The following SOX30 variants were observed in gnomAD, a reference collection of about 807,000 sequenced individuals.
SOX30 encodes transcription factor SOX-30.
A neutral mutation model predicts 58.6 loss-of-function variants in SOX30; 17 were observed. The ratio of observed to expected loss-of-function variants is 0.29; its 90% CI spans 0.20 to 0.44. The LOEUF is 0.44. SOX30 is among the 20% of genes least tolerant of loss of function. SOX30 has a pLI of 1.00. For synonymous variants in SOX30, 421 were observed against 400.2 expected (o/e 1.05, Z -0.62); for missense variants, 951 against 965.8 (o/e 0.98, Z 0.20).
chr5:157,663,583 G>C (rs1759614096), intron 2 of SOX30, among the ~76,000 whole-genome samples: 2 of 152,170 alleles, frequency 1.3e-5, no homozygotes, highest in South Asian at 4.1e-4. Flanking sequence ...ATTCAACATA[G>C]TGTTGGAAGT....
chr5:157,652,247 C>T lies in SOX30; in HGVS notation c.-169G>A. Reference sequence around the variant, plus strand: ...TCACCCAATCACAACGACCGATACCCGTGGACGGCCAATCACAGGCGGGTT... The same window carrying T: ...TCACCCAATCACAACGACCGATACCTGTGGACGGCCAATCACAGGCGGGTT... On this transcript the variant is annotated 5_prime_UTR_variant, in exon 1 of 5. Transcript: ENST00000265007. The T allele has an allele frequency of 1.6e-6, 2 of 1,261,282 alleles. No individual in the cohort carries two copies. Among genetic ancestry groups the T allele is most frequent in the South Asian group, 3.4e-5 (1 of 29,158 alleles). 78.1% of individuals were successfully genotyped at this position (1,261,282 alleles called of 1,614,324 possible).
At chr5:157,647,061 ATTT>A (rs33962778) in intron 2 of SOX30, among the ~76,000 whole-genome samples, 11 of 134,518 alleles carry the variant, frequency 8.2e-5, no homozygotes, top group African/African-American at 8.9e-5. Flanking sequence ...AGAGGGTCAA[ATTT>A]TTTTTTTTTT....
At chr5:157,652,818 G>A (rs564469380), upstream of SOX30, among the ~76,000 whole-genome samples, 78 of 152,158 alleles carry the variant, frequency 5.1e-4, no homozygotes, top group African/African-American at 1.8e-3. Flanking sequence ...GGATACTGCC[G>A]TAACCCTGTA....
In SOX30 at chr5:157,648,820, T is replaced by C. The variant is rs12518542; in HGVS notation, c.1044A>G (p.Ala348=). 6.5e-4 allele frequency: 1,042 copies of C among 1,612,792 alleles called. 5 individuals are homozygous for C. The African/African-American group carries it at 0.011, about 16-fold the overall frequency. Residue 348 remains alanine, a synonymous_variant, in exon 2 of 5, where the codon GCA becomes GCG. Transcript: ENST00000265007. The stretch of plus-strand genomic sequence containing the variant: ...TGGCTAGTGCTGGTCGGTGGATCCT[T>C]GCCCAAACCATAAATGCGTTCATGG... The part of the protein sequence containing the change: ...KRPMNAFMVW[A]RIHRPALAKA...
At position 157,652,063 on chromosome 5, in the gene SOX30, G is replaced by T; in HGVS notation, c.16C>A (p.Pro6Thr). Residue 6 changes from proline to threonine, a missense_variant, in exon 1 of 5, where the codon CCC (proline) becomes ACC (threonine). Around this residue, in one of 7 missense-constraint regions of SOX30, gnomAD observed 363 missense variants for 294.5 expected, o/e 1.23. Coordinates refer to ENST00000265007, the MANE Select transcript of SOX30 (RefSeq NM_178424.2). ...GGGCGCGGCTGAGGCGGCGGCTCGG[G>T]TCTGGCTCTCTCCATGGGGGAGGGG... MERAR[P>T]EPPPQPRPLR... 1.8e-5 allele frequency: 26 copies of T among 1,419,660 alleles called. No individual in the cohort carries two copies. The highest frequency in any genetic ancestry group is 2.3e-5 in the Non-Finnish European group (25 of 1,095,128). The allele number at this position is 1,419,660 out of a possible 1,614,324, so 87.9% of individuals were successfully genotyped here. A position where few individuals can be genotyped will look rare whatever the true frequency, so the allele number is the denominator to read the frequency against.
chr5:157,650,432 T>C (rs539738912), intron 1 of SOX30, among the ~76,000 whole-genome samples: 1 of 152,262 alleles, frequency 6.6e-6, no homozygotes, highest in South Asian at 2.1e-4. Context: ...AATCTTAAAA[T>C]AAGAATTTGC....
Position 157,651,328 on chromosome 5 carries a change from A to G in SOX30, c.751T>C (p.Phe251Leu). The G allele has an allele frequency of 6.2e-7, 1 of 1,614,022 alleles. No homozygotes were observed. The highest frequency in any genetic ancestry group is 1.1e-5 in the South Asian group (1 of 91,082). ...CTAAGGTCTTGCTGGTGCGGCCCAA[A>G]GGCACCGGACGTTGGGGCCAAGATG... ...EVILAPTSGA[F>L]GPHQQDLRIP... Residue 251 changes from phenylalanine (F) to leucine (L), a missense_variant, in exon 1 of 5, where the codon TTT becomes CTT. Around this residue, in one of 7 missense-constraint regions of SOX30, gnomAD observed 84 missense variants for 68.2 expected, o/e 1.23. Coordinates refer to ENST00000265007, the MANE Select transcript of SOX30 (RefSeq NM_178424.2).
intron 3 of SOX30, among the ~76,000 whole-genome samples, chr5:157,640,337 T>C (rs1326348723): frequency 6.6e-6 from 1 of 152,098 alleles, no homozygotes; most frequent in Admixed American, 6.5e-5. Flanking sequence ...AGCCTTTAAA[T>C]GAATAGGAAT....
At chr5:157,636,076 A>C (rs183872441) in intron 4 of SOX30, among the ~76,000 whole-genome samples, 1 of 152,336 alleles carries the variant, frequency 6.6e-6, no homozygotes, top group East Asian at 1.9e-4. Context: ...ATTGTTATAA[A>C]AACTACGTGT....
chr5:157,626,238 A>G lies in SOX30; in HGVS notation c.*102T>C, dbSNP rs1293565251. The G allele has an allele frequency of 8.8e-7, 1 of 1,139,174 alleles. No individual in the cohort carries two copies. The highest frequency in any genetic ancestry group is 1.2e-6 in the Non-Finnish European group (1 of 834,142). The allele number at this position is 1,139,174 out of a possible 1,614,324, so 70.6% of individuals were successfully genotyped here. A position where few individuals can be genotyped will look rare whatever the true frequency, so the allele number is the denominator to read the frequency against. On this transcript the variant is annotated 3_prime_UTR_variant, in exon 5 of 5. Coordinates refer to ENST00000265007, the MANE Select transcript of SOX30 (RefSeq NM_178424.2). ...GTTTTAACTCCTCAAATCACGACTG[A>G]AAACTTTCAACAAAGAATTCTAGGC... is the stretch of plus-strand genomic sequence containing the variant.
chr5:157,651,362 G>C lies in SOX30; in HGVS notation c.717C>G (p.Ser239Arg), dbSNP rs764191705. The change falls in exon 1 of 5, where the codon AGC (serine) becomes AGG (arginine). Residue 239 changes from serine (S) to arginine (R), a missense_variant. By Grantham distance (110) the Ser-to-Arg change is moderately radical. Transcript: ENST00000265007. ...EPASNGLVHG[S>R]AEVILAPTSG... ...ACGTTGGGGCCAAGATGACCTCCGC[G>C]CTGCCATGAACCAGGCCATTGGACG... The C allele has an allele frequency of 1.2e-6, 2 of 1,613,692 alleles. No individual in the cohort carries two copies. The highest frequency in any genetic ancestry group is 1.1e-5 in the South Asian group (1 of 91,078).
chr5:157,652,111 G>A lies in SOX30; in HGVS notation c.-33C>T. ...GGGGACGCCCCGGCCAGGATTGTGAGCTCAGCCGTTTGTTGGCGACCTTCC... is the reference window on the plus strand; with the variant it reads ...GGGGACGCCCCGGCCAGGATTGTGAACTCAGCCGTTTGTTGGCGACCTTCC... On this transcript the variant is annotated 5_prime_UTR_variant, in exon 1 of 5. Transcript: ENST00000265007. The A allele has an allele frequency of 7.2e-7, 1 of 1,387,842 alleles. No individual in the cohort carries two copies. The highest frequency in any genetic ancestry group is 2.9e-5 in the East Asian group (1 of 34,978). The allele number at this position is 1,387,842 out of a possible 1,614,324, so 86.0% of individuals were successfully genotyped here.
Position 157,669,177 on chromosome 5 carries a change from G to C in SOX30, c.-3-1325C>G, listed in dbSNP as rs543161271. Among the ~76,000 whole-genome samples the C allele has an allele frequency of 3.2e-4, 48 of 152,260 alleles. No individual in the cohort carries two copies. The South Asian group carries it at 9.7e-3, about 31-fold the overall frequency. ...TGCAAGGCACAATGCCTGGGTGCTG[G>C]GATTGGGGAGGGAAGCAAAGTCATT... On this transcript the variant is annotated intron_variant, in intron 1 of 5. Coordinates refer to the SOX30 transcript ENST00000519442.
At chr5:157,642,788 C>T (rs11134860) in intron 3 of SOX30, among the ~76,000 whole-genome samples, 24,891 of 152,018 alleles carry the variant, frequency 0.16, 2,325 homozygotes, top group Middle Eastern at 0.26. Context: ...AGGAGCCACA[C>T]CTGAGAGACC....
At chr5:157,646,241 C>A (rs1051987170) in intron 3 of SOX30, among the ~76,000 whole-genome samples, 2 of 152,142 alleles carry the variant, frequency 1.3e-5, no homozygotes, top group Admixed American at 6.6e-5. Context: ...AGAATGGTCT[C>A]AACAAATCAG....
At position 157,626,942 on chromosome 5, in the gene SOX30, C is replaced by T. The variant is rs1443743344; in HGVS notation, c.1881-221G>A. ...AATACTCACCAGCACTATTATCTAT[C>T]GTTAGCCTCAGGCTTCTTACCTTTG... is the stretch of plus-strand genomic sequence containing the variant. On this transcript the variant is annotated intron_variant, in intron 4 of 4. Coordinates refer to ENST00000265007, the MANE Select transcript of SOX30 (RefSeq NM_178424.2). Among the ~76,000 whole-genome samples the T allele has an allele frequency of 2.6e-5, 4 of 152,220 alleles. No individual in the cohort carries two copies. In the East Asian group the frequency reaches 5.8e-4, roughly 22 times the overall value.
intron 1 of SOX30, among the ~76,000 whole-genome samples, chr5:157,669,150 G>A (rs1019298594): frequency 2.0e-5 from 3 of 152,162 alleles, no homozygotes; most frequent in Admixed American, 1.3e-4. Flanking sequence ...GCTAGGATCT[G>A]CTGCAAGGCA....
At position 157,652,137 on chromosome 5, in the gene SOX30, C is replaced by T. The variant is rs1581403011; in HGVS notation, c.-59G>A. 7.2e-7 allele frequency: 1 copy of T among 1,381,126 alleles called. No individual in the cohort carries two copies. Among genetic ancestry groups the T allele is most frequent in the Non-Finnish European group, 9.3e-7 (1 of 1,075,984 alleles). The allele number at this position is 1,381,126 out of a possible 1,614,324, so 85.6% of individuals were successfully genotyped here. On this transcript the variant is annotated 5_prime_UTR_variant, in exon 1 of 5. Coordinates refer to ENST00000265007, the MANE Select transcript of SOX30 (RefSeq NM_178424.2). ...CTCAGCCGTTTGTTGGCGACCTTCCCCCTCCCCCTTTCGGTTAAGAGCCTT... is the reference window on the plus strand; with the variant it reads ...CTCAGCCGTTTGTTGGCGACCTTCCTCCTCCCCCTTTCGGTTAAGAGCCTT...
At chr5:157,648,964 A>C in intron 1 of SOX30, 68 bp from the exon 2 acceptor site, 1 of 1,528,782 alleles carries the variant, frequency 6.5e-7, no homozygotes, top group Non-Finnish European at 8.8e-7. Context: ...TTTTAAGGTA[A>C]AGTGCACCTC....
Sources: gnomAD v4.1 joint callset for allele counts (sites outside exome capture counted in the v4.1 genomes callset) on GRCh38, gnomAD v4.1.1 for gene constraint, gnomAD v4.1.1 regional missense constraint, MANE v1.5 for transcripts, NCBI Gene and HGNC (gene_info 2026-07-23, HGNC 2026-07-21) for gene names.